SH3D19: variants seen among roughly 807,000 people sequenced by gnomAD.
The protein encoded by SH3D19 is SH3 domain containing 19.
SH3D19 carries 58 observed loss-of-function variants against 112.1 expected under a neutral mutation model. The ratio of observed to expected loss-of-function variants is 0.52; its 90% CI spans 0.42 to 0.64. SH3D19 has a LOEUF of 0.64. Among genes scored for constraint, SH3D19 ranks in the 30% least tolerant of loss-of-function variants. The probability of loss-of-function intolerance (pLI) is 0.00; values close to 1 mark genes in which losing one functional copy is unlikely to be tolerated. For synonymous variants in SH3D19, 391 were observed against 448.5 expected (o/e 0.87, Z 1.62); for missense variants, 1,090 against 1,263.4 (o/e 0.86, Z 2.08).
At chr4:151,308,509 A>G (rs1261646655) in intron 1 of SH3D19, among the ~76,000 whole-genome samples, 1 of 152,220 alleles carries the variant, frequency 6.6e-6, no homozygotes, top group East Asian at 1.9e-4. Flanking sequence ...CTTGCCCCAA[A>G]GGGACCTGGG....
intron 2 of SH3D19, among the ~76,000 whole-genome samples, chr4:151,197,855 T>C (rs540104895): frequency 2.0e-5 from 3 of 152,272 alleles, no homozygotes; most frequent in African/African-American, 7.2e-5. Context: ...TCTAAAAACC[T>C]AGAAATTAGG....
intron 1 of SH3D19, among the ~76,000 whole-genome samples, chr4:151,249,463 A>T (rs1316940981): frequency 2.6e-5 from 4 of 152,214 alleles, no homozygotes; most frequent in Admixed American, 6.5e-5. Flanking sequence ...AATCTGTACT[A>T]TTATGTATTA....
chr4:151,189,997 T>C (rs1316189952), intron 2 of SH3D19, among the ~76,000 whole-genome samples: 2 of 152,162 alleles, frequency 1.3e-5, no homozygotes, highest in Admixed American at 1.3e-4. Context: ...ATGATATGGA[T>C]AATGAAAACC....
Position 151,241,891 on chromosome 4 carries a change from A to C in SH3D19, c.113-15805T>G, listed in dbSNP as rs191234219. 4.6e-3 allele frequency among the ~76,000 whole-genome samples: 705 copies of C among 152,176 alleles called. 4 individuals are homozygous for C. The highest frequency in any genetic ancestry group is 8.1e-3 in the Non-Finnish European group (552 of 68,024). ...GGATACAATTTGGTATGATATTAAA[A>C]ATTTTAAAGTTCATATTTTGGCCAG... On this transcript the variant is annotated intron_variant, in intron 1 of 19. Transcript: ENST00000604030.
At chr4:151,222,344 AAC>A (rs1376557546) in intron 2 of SH3D19, among the ~76,000 whole-genome samples, 1 of 152,206 alleles carries the variant, frequency 6.6e-6, no homozygotes, top group Non-Finnish European at 1.5e-5. Context: ...ACCAATTATT[AAC>A]AGTTTCCAAT....
chr4:151,122,100 C>A lies in SH3D19; in HGVS notation c.3135G>T (p.Gln1045His), dbSNP rs199694166. 1 of 1,557,864 alleles carries A rather than the reference C, an allele frequency of 6.4e-7. No homozygotes were observed. The highest frequency in any genetic ancestry group is 8.9e-7 in the Non-Finnish European group (1 of 1,129,708). The change falls in exon 20 of 20, where the codon CAG (glutamine) becomes CAT (histidine). Residue 1045 changes from glutamine (Q) to histidine (H), a missense_variant. Physicochemically the swap from Gln to His is conservative, Grantham distance 24. Coordinates refer to ENST00000604030, the MANE Select transcript of SH3D19 (RefSeq NM_001378122.1). ...IFPKNYIQFL[Q>H]IS The stretch of plus-strand genomic sequence containing the variant: ...CAGACAAGCTTCTCCTCTAGCTGAT[C>A]TGTAGAAACTGTATGTAGTTTTTGG...
At chr4:151,320,333 T>C (rs543550349) in intron 1 of SH3D19, among the ~76,000 whole-genome samples, 5 of 152,306 alleles carry the variant, frequency 3.3e-5, no homozygotes, top group African/African-American at 1.2e-4. Flanking sequence ...AATATTAAAA[T>C]GTTGTATGTC....
intron 14 of SH3D19, among the ~76,000 whole-genome samples, chr4:151,137,525 G>A (rs1230459099): frequency 6.6e-6 from 1 of 152,194 alleles, no homozygotes; most frequent in Non-Finnish European, 1.5e-5. Context: ...ATTTCAGACA[G>A]CATTTAGGCA....
At chr4:151,233,814 C>T (rs1769799850) in intron 1 of SH3D19, among the ~76,000 whole-genome samples, 1 of 152,172 alleles carries the variant, frequency 6.6e-6, no homozygotes, top group African/African-American at 2.4e-5. Flanking sequence ...TGACAGGGTG[C>T]ACTGCTGTTT....
chr4:151,297,804 G>C (rs1707985378), intron 1 of SH3D19, among the ~76,000 whole-genome samples: 1 of 152,154 alleles, frequency 6.6e-6, no homozygotes, highest in Admixed American at 6.5e-5. Flanking sequence ...GTAGTAAAGG[G>C]GATTTTGCAC....
intron 1 of SH3D19, among the ~76,000 whole-genome samples, chr4:151,316,536 AT>A (rs1433617900): frequency 3.3e-5 from 5 of 151,606 alleles, no homozygotes; most frequent in African/African-American, 1.2e-4. Flanking sequence ...TATCTTCACA[AT>A]TTTTCTGTTA....
At chr4:151,162,484 A>G (rs1182991260) in intron 8 of SH3D19, among the ~76,000 whole-genome samples, 1 of 152,146 alleles carries the variant, frequency 6.6e-6, no homozygotes, top group East Asian at 1.9e-4. Flanking sequence ...CTTCCTCAGC[A>G]TATCCTTTTC....
intron 17 of SH3D19, among the ~76,000 whole-genome samples, chr4:151,131,709 C>T (rs915299779): frequency 3.9e-5 from 6 of 152,042 alleles, no homozygotes; most frequent in Admixed American, 1.3e-4. Context: ...AGGGTGGTCT[C>T]GATCCCCTGA....
chr4:151,227,188 A>C (rs542629950), intron 1 of SH3D19, among the ~76,000 whole-genome samples: 1 of 152,220 alleles, frequency 6.6e-6, no homozygotes, highest in African/African-American at 2.4e-5. Context: ...TTTTTCCTTA[A>C]TTTTATTGCT....
intron 17 of SH3D19, among the ~76,000 whole-genome samples, chr4:151,131,491 T>C (rs916483101): frequency 4.0e-5 from 6 of 151,108 alleles, no homozygotes; most frequent in Non-Finnish European, 5.9e-5. Flanking sequence ...TTTTTTCTTT[T>C]TTTCTTTTTT....
chr4:151,184,863 C>T (rs1054756171), intron 3 of SH3D19, among the ~76,000 whole-genome samples: 10 of 152,130 alleles, frequency 6.6e-5, no homozygotes, highest in Admixed American at 5.9e-4. Flanking sequence ...TGGCTTCCAA[C>T]TTCAATATTT....
Position 151,210,737 on chromosome 4 carries a change from A to G in SH3D19, c.152+15310T>C, listed in dbSNP as rs191807569. Among the ~76,000 whole-genome samples, 521 of 152,336 alleles carry G rather than the reference A, an allele frequency of 3.4e-3. 5 individuals are homozygous for G. The highest frequency in any genetic ancestry group is 0.012 in the African/African-American group (489 of 41,564). Reference sequence around the variant, plus strand: ...TTTTTAAAGTACACCAAGTATGCACAAAAGAAAGACTGAACCACCAATATA... The same window carrying G: ...TTTTTAAAGTACACCAAGTATGCACGAAAGAAAGACTGAACCACCAATATA... On this transcript the variant is annotated intron_variant, in intron 2 of 19. Transcript: ENST00000604030.
intron 1 of SH3D19, among the ~76,000 whole-genome samples, chr4:151,272,837 A>G (rs1175823742): frequency 6.6e-6 from 1 of 150,770 alleles, no homozygotes; most frequent in African/African-American, 2.4e-5. Flanking sequence ...TCCCACTTTT[A>G]GTGATGCTAA....
At chr4:151,193,597 T>G (rs564488655) in intron 2 of SH3D19, among the ~76,000 whole-genome samples, 1 of 152,210 alleles carries the variant, frequency 6.6e-6, no homozygotes, top group South Asian at 2.1e-4. Flanking sequence ...CCATGTGTAA[T>G]ATACAGTAAC....
Sources: gnomAD v4.1 joint callset for allele counts (sites outside exome capture counted in the v4.1 genomes callset) on GRCh38, gnomAD v4.1.1 for gene constraint, MANE v1.5 for transcripts, NCBI Gene and HGNC (gene_info 2026-07-23, HGNC 2026-07-21) for gene names.